The following CCSER1 variants were observed in gnomAD, a reference collection of about 807,000 sequenced individuals.
CCSER1 encodes the protein coiled-coil serine rich protein 1, also known as serine-rich coiled-coil domain-containing protein 1.
Under a neutral mutation model 82.0 loss-of-function variants are expected in CCSER1, and 41 were observed. The observed-to-expected ratio is 0.50, with a 90% CI of 0.39 to 0.65. The LOEUF (loss-of-function observed/expected upper bound fraction) is 0.65, where lower values mean the gene tolerates loss of function less well. Among genes scored for constraint, CCSER1 ranks in the 30% least tolerant of loss-of-function variants. The pLI, the probability that CCSER1 is intolerant of heterozygous loss-of-function variation, is 0.00. For synonymous variants in CCSER1, 414 were observed against 383.9 expected (o/e 1.08, Z -0.92); for missense variants, 1,119 against 1,064.2 (o/e 1.05, Z -0.72).
At chr4:90,899,708 G>T (rs1328873960) in intron 8 of CCSER1, among the ~76,000 whole-genome samples, 1 of 151,926 alleles carries the variant, frequency 6.6e-6, no homozygotes, top group Non-Finnish European at 1.5e-5. Flanking sequence ...CTGAGATAAT[G>T]ATAGGGTTTT....
intron 10 of CCSER1, among the ~76,000 whole-genome samples, chr4:91,366,773 A>G (rs1307099166): frequency 4.6e-5 from 7 of 152,204 alleles, no homozygotes; most frequent in Admixed American, 4.6e-4. Context: ...GTAACACTAT[A>G]CCATTTGCTT....
chr4:91,532,645 A>C (rs1161376918), intron 10 of CCSER1, among the ~76,000 whole-genome samples: 3 of 152,102 alleles, frequency 2.0e-5, no homozygotes, highest in Non-Finnish European at 4.4e-5. Flanking sequence ...TAATCCCAGC[A>C]CTTTGGGAGG....
chr4:90,309,697 AC>A, intron 2 of CCSER1, 89 bp downstream of exon 2: 1 of 1,008,840 alleles, frequency 9.9e-7, no homozygotes. Flanking sequence ...ATGAATGGAA[AC>A]CACATTTTTC....
intron 10 of CCSER1, among the ~76,000 whole-genome samples, chr4:91,218,002 G>C (rs962524496): frequency 2.6e-5 from 4 of 152,232 alleles, no homozygotes; most frequent in African/African-American, 9.6e-5. Flanking sequence ...CGATGGGACT[G>C]GGCGCCGTGG....
At chr4:90,369,113 G>A (rs1252620454) in intron 3 of CCSER1, among the ~76,000 whole-genome samples, 2 of 151,666 alleles carry the variant, frequency 1.3e-5, no homozygotes, top group Admixed American at 6.6e-5. Flanking sequence ...AAGCTATTTA[G>A]TAAAACCACT....
chr4:91,481,355 T>C (rs905789857), intron 10 of CCSER1, among the ~76,000 whole-genome samples: 3 of 152,112 alleles, frequency 2.0e-5, no homozygotes, highest in Non-Finnish European at 4.4e-5. Flanking sequence ...ATCTTCTCTC[T>C]GTGTTCTCAC....
chr4:90,498,241 A>T (rs996137810), intron 5 of CCSER1, among the ~76,000 whole-genome samples: 1 of 152,202 alleles, frequency 6.6e-6, no homozygotes, highest in Non-Finnish European at 1.5e-5. Context: ...AATTAAATAG[A>T]ACAATAATAA....
intron 3 of CCSER1, among the ~76,000 whole-genome samples, chr4:90,325,918 A>T (rs527314554): frequency 1.3e-5 from 2 of 152,178 alleles, no homozygotes; most frequent in South Asian, 4.1e-4. Flanking sequence ...AAATATATTC[A>T]TACTCTTTTT....
chr4:90,223,081 T>A (rs1742460820), intron 1 of CCSER1, among the ~76,000 whole-genome samples: 1 of 152,168 alleles, frequency 6.6e-6, no homozygotes, highest in Non-Finnish European at 1.5e-5. Context: ...GTTCCTCCTA[T>A]TCCCTTTGTG....
intron 3 of CCSER1, among the ~76,000 whole-genome samples, chr4:90,313,962 T>C (rs925538363): frequency 6.6e-6 from 1 of 152,256 alleles, no homozygotes; most frequent in South Asian, 2.1e-4. Context: ...TCACTTATGA[T>C]ATCTCTATTG....
intron 3 of CCSER1, among the ~76,000 whole-genome samples, chr4:90,341,075 A>G (rs189497986): frequency 6.6e-6 from 1 of 152,238 alleles, no homozygotes; most frequent in Non-Finnish European, 1.5e-5. Flanking sequence ...AATTGAAATT[A>G]TTATAAATAG....
chr4:90,344,802 A>T lies in CCSER1; in HGVS notation c.1509+31755A>T, dbSNP rs185914347. On this transcript the variant is annotated intron_variant, in intron 3 of 10. Transcript: ENST00000509176. ...ACACCTCTGAATGAATGTATGTGTG[A>T]ATTGTCTAATAGATGTAACTAAGAA... Among the ~76,000 whole-genome samples, 297 of 152,254 alleles carry T rather than the reference A, an allele frequency of 2.0e-3. 1 individual carries two copies. The highest frequency in any genetic ancestry group is 6.2e-3 in the African/African-American group (257 of 41,572).
At chr4:91,114,892 CCA>C (rs1431520756) in intron 10 of CCSER1, among the ~76,000 whole-genome samples, 1 of 152,066 alleles carries the variant, frequency 6.6e-6, no homozygotes, top group African/African-American at 2.4e-5. Flanking sequence ...ATAATTTTCT[CCA>C]CAGATTTTAA....
chr4:90,653,829 A>G (rs144637481), intron 6 of CCSER1, among the ~76,000 whole-genome samples: 1 of 152,304 alleles, frequency 6.6e-6, no homozygotes, highest in African/African-American at 2.4e-5. Flanking sequence ...CACTGCTATA[A>G]AGAACTACCT....
chr4:90,727,319 A>T, intron 7 of CCSER1: 1 of 455,406 alleles, frequency 2.2e-6, no homozygotes, highest in South Asian at 1.6e-5. Context: ...ATGTTATCAA[A>T]CATCAACAAC....
intron 8 of CCSER1, among the ~76,000 whole-genome samples, chr4:90,904,909 C>T (rs532513388): frequency 6.6e-5 from 10 of 152,158 alleles, no homozygotes; most frequent in South Asian, 4.1e-4. Flanking sequence ...TCTTCTTCGC[C>T]CATTCATCCC....
chr4:90,748,888 G>GT (rs1282522774), intron 7 of CCSER1, among the ~76,000 whole-genome samples: 1 of 150,212 alleles, frequency 6.7e-6, no homozygotes, highest in Non-Finnish European at 1.5e-5. Flanking sequence ...GGGGTTGTTT[G>GT]TTTTTTTCTT....
chr4:90,836,968 C>A (rs1476687409), intron 8 of CCSER1, among the ~76,000 whole-genome samples: 1 of 152,152 alleles, frequency 6.6e-6, no homozygotes, highest in East Asian at 1.9e-4. Context: ...CTGAAAATAA[C>A]TTTATCTACC....
At chr4:90,770,750 TGA>T (rs1435396830) in intron 7 of CCSER1, among the ~76,000 whole-genome samples, 4 of 152,294 alleles carry the variant, frequency 2.6e-5, no homozygotes, top group African/African-American at 9.6e-5. Flanking sequence ...TTGTCTTTCA[TGA>T]GATTTTGTTT....
Sources: gnomAD v4.1 joint callset for allele counts (sites outside exome capture counted in the v4.1 genomes callset) on GRCh38, gnomAD v4.1.1 for gene constraint, MANE v1.5 for transcripts, NCBI Gene and HGNC (gene_info 2026-07-23, HGNC 2026-07-21) for gene names.